Variants in SLC22A8 observed in about 807,000 individuals in gnomAD.
The protein encoded by SLC22A8 is solute carrier family 22 member 8.
In SLC22A8, 40 loss-of-function variants were observed where a neutral mutation model predicts 48.4. That is an observed-to-expected ratio of 0.83 (90% confidence interval 0.64 to 1.08). The LOEUF (loss-of-function observed/expected upper bound fraction) is 1.08. Ranked by LOEUF, SLC22A8 falls within the 50% of genes least tolerant of loss-of-function variation. The pLI, the probability that SLC22A8 is intolerant of heterozygous loss-of-function variation, is 0.00. For missense variants in SLC22A8, 606 were observed against 699.0 expected, an observed-to-expected ratio of 0.87 and a Z score of 1.50; for synonymous variants, 268 against 286.3, an observed-to-expected ratio of 0.94 and a Z score of 0.65.
rs537722747 is a variant in SLC22A8 at position 62,997,163 on chromosome 11, A to C, written c.762-1011T>G. On this transcript the variant is annotated intron_variant, in intron 5 of 10. Transcript: ENST00000336232. ...CAGTTAGTGAGCCTTCCTGTGTACC[A>C]GGCCCATGAAACTCTGGGTGACAGG... Among the ~76,000 whole-genome samples, 31 of 152,350 alleles carry C rather than the reference A, an allele frequency of 2.0e-4. No individual in the cohort carries two copies. The South Asian group carries it at 4.1e-3, about 20-fold the overall frequency.
chr11:63,010,937 T>C (rs529566146), intron 2 of SLC22A8, among the ~76,000 whole-genome samples: 1 of 152,326 alleles, frequency 6.6e-6, no homozygotes, highest in Non-Finnish European at 1.5e-5. Context: ...ATCCCTCCCG[T>C]CTGTCTCTCC....
intron 2 of SLC22A8, chr11:63,001,065 T>G (rs943827308): frequency 6.2e-6 from 3 of 482,376 alleles, no homozygotes; most frequent in Non-Finnish European, 1.1e-5. Flanking sequence ...CAAAGTCCAC[T>G]CAGCTACCAC....
intron 2 of SLC22A8, among the ~76,000 whole-genome samples, chr11:63,011,326 G>A (rs2086617024): frequency 6.6e-6 from 1 of 152,208 alleles, no homozygotes; most frequent in African/African-American, 2.4e-5. Context: ...GAGTTTATGT[G>A]GCCGAAGTGC....
chr11:62,995,413 G>A (rs942716010), intron 7 of SLC22A8: 5 of 476,200 alleles, frequency 1.0e-5, no homozygotes, highest in East Asian at 3.8e-5. Context: ...AGAGCATGGG[G>A]ACACTGAGCG....
chr11:63,001,029 G>T (rs1285826974), intron 2 of SLC22A8: 1 of 544,360 alleles, frequency 1.8e-6, no homozygotes, highest in Non-Finnish European at 3.3e-6. Flanking sequence ...CATCCCTCAG[G>T]CATGTGTGGC....
In SLC22A8 at chr11:62,999,687, C is replaced by G. The variant is rs1263494674; in HGVS notation, c.592+1G>C. On this transcript the variant is annotated splice_donor_variant, in intron 4 of 10. Transcript: ENST00000336232. LOFTEE classifies it high-confidence loss of function. Reference sequence around the variant, plus strand: ...CAGCTCCATGCCCCACTGCAGCTCACTCAAGATGACGGTGCTCAGGGTAAT... The same window carrying G: ...CAGCTCCATGCCCCACTGCAGCTCAGTCAAGATGACGGTGCTCAGGGTAAT... The G allele has an allele frequency of 5.8e-6, 9 of 1,559,678 alleles. No individual in the cohort carries two copies. Among genetic ancestry groups the G allele is most frequent in the African/African-American group, 1.4e-5 (1 of 72,828 alleles).
rs1237231199 is a variant in SLC22A8 at position 63,012,736 on chromosome 11, G to A, written c.333+1890C>T. On this transcript the variant is annotated intron_variant, in intron 2 of 10. Coordinates refer to ENST00000336232, the MANE Select transcript of SLC22A8 (RefSeq NM_004254.4). ...AAAATCCCTGCCTTGGGAAACGTGT[G>A]TATTCCACCAAACTGCCCATGATCC... Among the ~76,000 whole-genome samples the A allele has an allele frequency of 5.9e-5, 9 of 152,350 alleles. No individual in the cohort carries two copies. The East Asian group carries it at 1.5e-3, about 26-fold the overall frequency.
rs1310792179 is a variant in SLC22A8 at position 62,995,795 on chromosome 11, C to T, written c.910G>A (p.Glu304Lys). The part of the protein sequence containing the change: ...LEELKLNLQK[E>K]ISLAKAKYTA... Reference sequence around the variant, plus strand: ...TACTTGGCCTTGGCCAAGGAGATCTCCTTCTGCAGGTTGAGTTTGAGCTCC... The same window carrying T: ...TACTTGGCCTTGGCCAAGGAGATCTTCTTCTGCAGGTTGAGTTTGAGCTCC... Residue 304 changes from glutamate to lysine, a missense_variant, in exon 7 of 11, where the codon GAG becomes AAG. Coordinates refer to ENST00000336232, the MANE Select transcript of SLC22A8 (RefSeq NM_004254.4). 1 of 1,613,908 alleles carries T rather than the reference C, an allele frequency of 6.2e-7. No individual in the cohort carries two copies. The highest frequency in any genetic ancestry group is 1.3e-5 in the African/African-American group (1 of 74,872).
Position 63,014,823 on chromosome 11 carries a change from C to A in SLC22A8, c.136G>T (p.Val46Phe). Reference protein sequence around the residue: ...LLQIFTAATPVHHCRPPHNAS... With the variant: ...LLQIFTAATPFHHCRPPHNAS... ...TTGTGGGGCGGGCGACAGTGGTGGA[C>A]AGGGGTGGCGGCTGTGAAGATCTGC... is the stretch of plus-strand genomic sequence containing the variant. The change falls in exon 2 of 11, where the codon GTC (valine) becomes TTC (phenylalanine). Residue 46 changes from valine to phenylalanine, a missense_variant. Transcript: ENST00000336232. 6.2e-7 allele frequency: 1 copy of A among 1,612,506 alleles called. No individual in the cohort carries two copies. Among genetic ancestry groups the A allele is most frequent in the Non-Finnish European group, 8.5e-7 (1 of 1,178,770 alleles).
At chr11:63,000,677 C>A (rs1178471821) in intron 3 of SLC22A8, 43 bp downstream of exon 3, 14 of 1,379,150 alleles carry the variant, frequency 1.0e-5, no homozygotes, top group Non-Finnish European at 1.4e-5. Context: ...GAAGGGTTGT[C>A]CCCATGGGTC....
chr11:63,005,795 A>G (rs1394719982), intron 2 of SLC22A8, among the ~76,000 whole-genome samples: 1 of 152,190 alleles, frequency 6.6e-6, no homozygotes, highest in Non-Finnish European at 1.5e-5. Flanking sequence ...GAGAGGACAC[A>G]CCAACACCTT....
intron 6 of SLC22A8, 81 bp from the exon 7 acceptor site, chr11:62,995,900 C>A: frequency 2.0e-6 from 3 of 1,507,142 alleles, no homozygotes; most frequent in Non-Finnish European, 2.8e-6. Context: ...AGGCGTGGTG[C>A]CTCTAGAGGA....
At chr11:62,995,384 G>A (rs2086403201) in intron 7 of SLC22A8, 1 of 413,954 alleles carries the variant, frequency 2.4e-6, no homozygotes, top group Non-Finnish European at 4.4e-6. Flanking sequence ...GACCCAGAGG[G>A]GGGCAGTGAC....
intron 2 of SLC22A8, among the ~76,000 whole-genome samples, chr11:63,003,874 C>A (rs182864042): frequency 2.0e-4 from 31 of 152,216 alleles, no homozygotes; most frequent in Non-Finnish European, 5.9e-5. Flanking sequence ...GCAGAACCAC[C>A]CATTGGCCTA....
intron 2 of SLC22A8, among the ~76,000 whole-genome samples, chr11:63,005,300 A>G (rs1288708455): frequency 6.6e-6 from 1 of 152,218 alleles, no homozygotes; most frequent in Non-Finnish European, 1.5e-5. Context: ...ATCAGGAGAA[A>G]GCTTTGCAAA....
In SLC22A8 at chr11:63,014,650, G is replaced by A. The variant is rs1442300151; in HGVS notation, c.309C>T (p.Ser103=). Residue 103 remains serine (S), a synonymous_variant, in exon 2 of 11, where the codon AGC becomes AGT. Coordinates refer to ENST00000336232, the MANE Select transcript of SLC22A8 (RefSeq NM_004254.4). ...EPCLDGWVYN[S]TKDSIVTEWD... is the part of the protein sequence containing the mutation. ...CCTCTGTCACAATGGAGTCCTTGGT[G>A]CTGTTGTAGACCCAGCCATCCAGGC... is the stretch of plus-strand genomic sequence containing the variant. 1 of 1,601,568 alleles carries A rather than the reference G, an allele frequency of 6.2e-7. No homozygotes were observed. The highest frequency in any genetic ancestry group is 1.3e-5 in the African/African-American group (1 of 74,722).
chr11:63,009,666 A>G (rs1030740197), intron 2 of SLC22A8, among the ~76,000 whole-genome samples: 14 of 152,122 alleles, frequency 9.2e-5, no homozygotes, highest in African/African-American at 2.9e-4. Context: ...TCTCTGCTGC[A>G]CCAAGAGAAA....
At chr11:62,998,794 G>T in intron 5 of SLC22A8, 127 bp downstream of exon 5, 1 of 730,404 alleles carries the variant, frequency 1.4e-6, no homozygotes, top group Non-Finnish European at 2.3e-6. Flanking sequence ...CCTCCCTGGA[G>T]TGCCCTTCCC....
chr11:63,008,889 C>T (rs1167214765), intron 2 of SLC22A8, among the ~76,000 whole-genome samples: 1 of 152,132 alleles, frequency 6.6e-6, no homozygotes, highest in Admixed American at 6.5e-5. Context: ...GCCTGATTTG[C>T]AGGGTCACGA....
Sources: gnomAD v4.1 joint callset for allele counts (sites outside exome capture counted in the v4.1 genomes callset) on GRCh38, gnomAD v4.1.1 for gene constraint, MANE v1.5 for transcripts, NCBI Gene and HGNC (gene_info 2026-07-23, HGNC 2026-07-21) for gene names.